Variants in DUS1L observed in about 807,000 individuals in gnomAD.
DUS1L encodes tRNA-dihydrouridine(16/17) synthase [NAD(P)(+)]-like.
DUS1L carries 56 observed loss-of-function variants against 61.2 expected under a neutral mutation model. That is an observed-to-expected ratio of 0.92 (90% CI 0.74 to 1.14). DUS1L has a LOEUF of 1.14. DUS1L is among the 50% of genes most tolerant of loss of function. The probability of loss-of-function intolerance (pLI) is 0.00; values close to 1 mark genes in which losing one functional copy is unlikely to be tolerated. For synonymous variants in DUS1L, 278 were observed against 259.5 expected (o/e 1.07, Z -0.69); for missense variants, 630 against 632.4 (o/e 1.00, Z 0.04).
At chr17:82,065,114 G>C in intron 1 of DUS1L, 45 bp from the exon 2 acceptor site, 1 of 1,515,764 alleles carries the variant, frequency 6.6e-7, no homozygotes. Context: ...GCCCAACGAG[G>C]GGCTTAAGAC....
chr17:82,060,654 C>A, intron 10 of DUS1L, 47 bp downstream of exon 10: 2 of 1,593,048 alleles, frequency 1.3e-6, no homozygotes, highest in Non-Finnish European at 1.7e-6. Context: ...CAGGGTGGAG[C>A]CCACACCTTG....
intron 2 of DUS1L, 28 bp from the exon 3 acceptor site, chr17:82,064,262 G>A: frequency 1.9e-6 from 3 of 1,584,894 alleles, no homozygotes; most frequent in Non-Finnish European, 2.6e-6. Flanking sequence ...GTCAGCCACG[G>A]GCCCAGCCAG....
At position 82,065,743 on chromosome 17, in the gene DUS1L, G is replaced by A. The variant is rs2144757948; in HGVS notation, c.-141C>T. ...CTGCAGCTCCCGGGGCGCCGCGAAC[G>A]CCCGCACCGCGCCGGGGCCGCCGCC... On this transcript the variant is annotated 5_prime_UTR_variant, in exon 1 of 14. Transcript: ENST00000306796. The A allele has an allele frequency of 6.8e-6, 1 of 147,208 alleles. No homozygotes were observed. Among genetic ancestry groups the A allele is most frequent in the East Asian group, 2.0e-4 (1 of 5,098 alleles). 9.1% of individuals were successfully genotyped at this position (147,208 alleles called of 1,614,324 possible).
chr17:82,063,640 A>T, intron 3 of DUS1L, 122 bp from the exon 4 acceptor site: 1 of 1,221,322 alleles, frequency 8.2e-7, no homozygotes, highest in South Asian at 1.3e-5. Flanking sequence ...GTCAGGCGGG[A>T]CACAGGTCCC....
rs201131425 is a variant in DUS1L, at chr17:82,059,056, TG to T, written c.1169-239del. 2.6e-3 allele frequency: 1,470 copies of T among 568,980 alleles called. 20 individuals carry two copies. The highest frequency in any genetic ancestry group is 0.025 in the African/African-American group (1,337 of 53,348). 35.2% of individuals were successfully genotyped at this position (568,980 alleles called of 1,614,324 possible). A position where few individuals can be genotyped will look rare whatever the true frequency, so the allele number is the denominator to read the frequency against. On this transcript the variant is annotated intron_variant, in intron 11 of 13. Transcript: ENST00000306796. The stretch of plus-strand genomic sequence containing the variant: ...CTGCAGGAAACGGATAGGAAGCAGG[TG>T]GGCTGGGGGGCCGCCGCAGGACGAG...
At chr17:82,060,131 TGA>T (rs757749302) in intron 10 of DUS1L, 38 bp from the exon 11 acceptor site, 1 of 1,596,408 alleles carries the variant, frequency 6.3e-7, no homozygotes, top group Non-Finnish European at 8.5e-7. Flanking sequence ...AAGGACACTG[TGA>T]GAGGGGCCCA....
rs373764869 is a variant in DUS1L, at chr17:82,058,769, G to A, written c.1206+12C>T. 1.2e-6 allele frequency: 2 copies of A among 1,613,212 alleles called. No individual in the cohort carries two copies. Among genetic ancestry groups the A allele is most frequent in the African/African-American group, 2.7e-5 (2 of 74,940 alleles). Reference sequence around the variant, plus strand: ...CTGAAGCCTTGGTGGCTTGCAGCCGGAACCCACTCACCTTTGGGTTTCCAC... The same window carrying A: ...CTGAAGCCTTGGTGGCTTGCAGCCGAAACCCACTCACCTTTGGGTTTCCAC... On this transcript the variant is annotated intron_variant, in intron 12 of 13. Transcript: ENST00000306796.
chr17:82,059,752 C>T (rs530751451), intron 11 of DUS1L, 196 bp downstream of exon 11: 16 of 684,894 alleles, frequency 2.3e-5, no homozygotes, highest in South Asian at 3.8e-5. Flanking sequence ...CCCACATGCA[C>T]GGGCTGTGGC....
chr17:82,064,238 G>A lies in DUS1L; in HGVS notation c.238-4C>T, dbSNP rs1376446337. The A allele has an allele frequency of 5.6e-6, 9 of 1,610,220 alleles. No individual in the cohort carries two copies. The highest frequency in any genetic ancestry group is 7.6e-6 in the Non-Finnish European group (9 of 1,179,400). On this transcript the variant is annotated splice_polypyrimidine_tract_variant and splice_region_variant and intron_variant, in intron 2 of 13. Transcript: ENST00000306796. ...CCTCCGGGTCATTGGCACAGAACTG[G>A]AGAAGATGCAGGAGTCAGCCACGGG...
chr17:82,063,093 G>T, intron 4 of DUS1L, 120 bp from the exon 5 acceptor site: 1 of 841,238 alleles, frequency 1.2e-6, no homozygotes, highest in Non-Finnish European at 1.9e-6. Flanking sequence ...GAGGCTGGGA[G>T]GCAGCCCGGG....
In DUS1L at chr17:82,064,193, G is replaced by C. The variant is rs960428086; in HGVS notation, c.279C>G (p.Leu93=). Residue 93 remains leucine, a synonymous_variant, in exon 3 of 14, where the codon CTC becomes CTG. Coordinates refer to ENST00000306796, the MANE Select transcript of DUS1L (RefSeq NM_022156.5). ...TGGCGTCACAGTAATCCTGAGCCAG[G>C]AGAGCCGCCTGAACAAACACCTCCG... ...NDPEVFVQAA[L]LAQDYCDAID... The C allele has an allele frequency of 6.2e-7, 1 of 1,612,608 alleles. No homozygotes were observed. The highest frequency in any genetic ancestry group is 1.3e-5 in the African/African-American group (1 of 74,918).
intron 12 of DUS1L, 69 bp from the exon 13 acceptor site, chr17:82,058,485 G>C: frequency 6.8e-7 from 1 of 1,471,392 alleles, no homozygotes; most frequent in Non-Finnish European, 9.0e-7. Flanking sequence ...CAGCAGGGGA[G>C]CAGCCCCACT....
At chr17:82,063,195 G>A (rs543381329) in intron 4 of DUS1L, 17 of 630,846 alleles carry the variant, frequency 2.7e-5, no homozygotes, top group African/African-American at 1.3e-4. Flanking sequence ...GGCCAAGGCC[G>A]GCTCTGTCTC....
chr17:82,064,795 G>A (rs1347078417), intron 2 of DUS1L, 28 bp downstream of exon 2: 8 of 1,580,988 alleles, frequency 5.1e-6, no homozygotes, highest in South Asian at 3.4e-5. Flanking sequence ...ACCCAACCGC[G>A]GCCGCGGCCA....
rs1323355557 is a variant in DUS1L at position 82,058,244 on chromosome 17, C to T, written c.1293G>A (p.Leu431=). ...KETADCPGHG[L]LFKTKLEKSL... is the part of the protein sequence containing the mutation. ...ACTTCTCCAATTTGGTTTTAAAAAG[C>T]AATCCGTGACCTGGCAGAGCGAGTG... The change falls in exon 14 of 14, where the codon TTG becomes TTA. Residue 431 remains leucine (L), a synonymous_variant. Coordinates refer to ENST00000306796, the MANE Select transcript of DUS1L (RefSeq NM_022156.5). The T allele has an allele frequency of 2.5e-6, 4 of 1,580,516 alleles. No homozygotes were observed. The African/African-American group carries it at 4.1e-5, about 16-fold the overall frequency.
At chr17:82,060,196 C>G in intron 10 of DUS1L, 103 bp from the exon 11 acceptor site, 1 of 1,436,620 alleles carries the variant, frequency 7.0e-7, no homozygotes. Flanking sequence ...GCGGCCGTGG[C>G]GAGTGCCGCT....
At position 82,060,865 on chromosome 17, in the gene DUS1L, C is replaced by T. The variant is rs1470058269; in HGVS notation, c.939G>A (p.Gln313=). The T allele has an allele frequency of 3.1e-6, 5 of 1,612,050 alleles. No homozygotes were observed. Among genetic ancestry groups the T allele is most frequent in the African/African-American group, 1.3e-5 (1 of 74,936 alleles). The change falls in exon 9 of 14, where the codon CAG becomes CAA. Residue 313 remains glutamine, a splice_region_variant and synonymous_variant. Transcript: ENST00000306796. ...GGCTCCCACCAGCCCCAGCACCTGC[C>T]TGACACCGCAGCTTCAGCTCCTGGC... is the stretch of plus-strand genomic sequence containing the variant. The part of the protein sequence containing the change: ...AVSQELKLRC[Q]EEISRQEGAK...
intron 8 of DUS1L, 34 bp downstream of exon 8, chr17:82,061,175 T>C: frequency 6.4e-7 from 1 of 1,562,254 alleles, no homozygotes; most frequent in East Asian, 2.3e-5. Context: ...TGGGCGGCCC[T>C]CCAACGTGGC....
intron 11 of DUS1L, 104 bp downstream of exon 11, chr17:82,059,844 C>T: frequency 1.3e-6 from 2 of 1,528,318 alleles, no homozygotes; most frequent in Admixed American, 1.8e-5. Flanking sequence ...AGCTCTGGGC[C>T]TTGAGCCTTG....
Sources: allele counts gnomAD v4.1 joint callset, GRCh38; gene constraint gnomAD v4.1.1; transcripts MANE v1.5; gene names NCBI Gene and HGNC (gene_info 2026-07-23, HGNC 2026-07-21).